Variants in NEK1 observed in about 807,000 individuals in gnomAD.
The protein encoded by NEK1 is NIMA related kinase 1, also known as serine/threonine-protein kinase Nek1.
A neutral mutation model predicts 182.1 loss-of-function variants in NEK1; 137 were observed. The observed-to-expected ratio is 0.75, with a 90% CI of 0.65 to 0.87. NEK1 has a LOEUF of 0.87. NEK1 is among the 40% of genes least tolerant of loss of function. The probability of loss-of-function intolerance (pLI) is 0.00; values close to 1 mark genes in which losing one functional copy is unlikely to be tolerated. For missense variants in NEK1, 1,391 were observed against 1,494.4 expected (o/e 0.93, Z 1.14); for synonymous variants, 513 against 492.2 (o/e 1.04, Z -0.56).
chr4:169,485,440 T>C (rs1748865536), intron 23 of NEK1, among the ~76,000 whole-genome samples: 1 of 152,212 alleles, frequency 6.6e-6, no homozygotes, highest in Non-Finnish European at 1.5e-5. Flanking sequence ...ATAAATATCA[T>C]GGTGTATTAT....
intron 18 of NEK1, among the ~76,000 whole-genome samples, chr4:169,550,401 T>C (rs749575015): frequency 3.9e-5 from 6 of 152,204 alleles, no homozygotes; most frequent in Non-Finnish European, 7.3e-5. Context: ...ATACACTTAA[T>C]AAAGTCAATA....
chr4:169,570,834 G>T (rs200942073), intron 12 of NEK1, among the ~76,000 whole-genome samples: 2 of 152,216 alleles, frequency 1.3e-5, no homozygotes, highest in Non-Finnish European at 2.9e-5. Context: ...TCTGTACTAA[G>T]AACAAATTCT....
At chr4:169,591,345 T>TC (rs772847265) in intron 5 of NEK1, among the ~76,000 whole-genome samples, 2 of 152,000 alleles carry the variant, frequency 1.3e-5, no homozygotes, top group Admixed American at 6.6e-5. Context: ...AGAGACAGTG[T>TC]CCCACTATGT....
intron 19 of NEK1, among the ~76,000 whole-genome samples, chr4:169,513,488 T>C (rs1754536116): frequency 6.6e-6 from 1 of 152,202 alleles, no homozygotes; most frequent in African/African-American, 2.4e-5. Context: ...GTTCTGGGAA[T>C]TTCCCATTCA....
At chr4:169,452,987 C>T (rs1348473504) in intron 27 of NEK1, among the ~76,000 whole-genome samples, 2 of 152,110 alleles carry the variant, frequency 1.3e-5, no homozygotes, top group Non-Finnish European at 2.9e-5. Flanking sequence ...AATCAATGTG[C>T]AAAAATCACA....
intron 23 of NEK1, among the ~76,000 whole-genome samples, chr4:169,490,292 A>G (rs746611520): frequency 4.6e-5 from 7 of 152,088 alleles, no homozygotes; most frequent in African/African-American, 4.8e-5. Context: ...GAGCCAATGC[A>G]CCCTGCTCAA....
At chr4:169,548,984 G>A (rs1300205314) in intron 18 of NEK1, among the ~76,000 whole-genome samples, 3 of 152,272 alleles carry the variant, frequency 2.0e-5, no homozygotes, top group African/African-American at 4.8e-5. Flanking sequence ...GAACAGTTAT[G>A]TCTCACTGGT....
At position 169,400,280 on chromosome 4, in the gene NEK1, C is replaced by G; in HGVS notation, c.3792G>C (p.Gln1264His). Reference sequence around the variant, plus strand: ...AATGAAGAATCTTGGCATAAAGATGCTGATGTTCATTTCCCAAAATATTTT... The same window carrying G: ...AATGAAGAATCTTGGCATAAAGATGGTGATGTTCATTTCCCAAAATATTTT... ...IVQNILGNEH[Q>H]HLYAKILHLV... Residue 1264 changes from glutamine to histidine, a missense_variant, in exon 35 of 36, where the codon CAG becomes CAC. This residue lies in a region of NEK1 where 1,216 missense variants were observed against 1,277.6 expected (regional missense o/e 0.95). Coordinates refer to ENST00000507142, the MANE Select transcript of NEK1 (RefSeq NM_001199397.3). 1.3e-6 allele frequency: 2 copies of G among 1,568,216 alleles called. No homozygotes were observed. The highest frequency in any genetic ancestry group is 1.7e-6 in the Non-Finnish European group (2 of 1,154,228).
chr4:169,525,118 ATTTTATTTTAT>A lies in NEK1; in HGVS notation c.1665+12680_1665+12690del, dbSNP rs753936509. ...TATTCTTTTCCATGTACCAAACATT[ATTTTATTTTAT>A]TTTTATTTTATTTTGTTGAGAAAGA... On this transcript the variant is annotated intron_variant, in intron 19 of 35. Transcript: ENST00000507142. 6.4e-4 allele frequency among the ~76,000 whole-genome samples: 97 copies of A among 152,100 alleles called. 1 individual carries two copies. The East Asian group carries it at 0.019, about 29-fold the overall frequency.
At chr4:169,461,920 T>C (rs1023629170) in intron 27 of NEK1, among the ~76,000 whole-genome samples, 3 of 152,098 alleles carry the variant, frequency 2.0e-5, no homozygotes, top group Non-Finnish European at 4.4e-5. Context: ...AAATAGTTGG[T>C]GACTGAATGA....
chr4:169,579,857 C>G lies in NEK1; in HGVS notation c.868+985G>C, dbSNP rs181713669. Among the ~76,000 whole-genome samples, 853 of 151,356 alleles carry G rather than the reference C, an allele frequency of 5.6e-3. 2 individuals are homozygous for G. The highest frequency in any genetic ancestry group is 7.6e-3 in the Non-Finnish European group (515 of 67,916). On this transcript the variant is annotated intron_variant, in intron 11 of 35. Transcript: ENST00000507142. Reference sequence around the variant, plus strand: ...GAACGCACTGTCATACCACTTCTAGCTAAATGGGCTCATTTTTATGATACA... The same window carrying G: ...GAACGCACTGTCATACCACTTCTAGGTAAATGGGCTCATTTTTATGATACA...
At chr4:169,597,476 T>C (rs940671148) in intron 5 of NEK1, among the ~76,000 whole-genome samples, 10 of 151,974 alleles carry the variant, frequency 6.6e-5, no homozygotes, top group Non-Finnish European at 1.3e-4. Flanking sequence ...ATAAAATAAA[T>C]TTTTAAAAAA....
intron 2 of NEK1, among the ~76,000 whole-genome samples, chr4:169,606,098 T>C (rs1372447567): frequency 6.6e-6 from 1 of 151,728 alleles, no homozygotes; most frequent in Non-Finnish European, 1.5e-5. Context: ...TCAGAAAATA[T>C]ATAATGTCAA....
chr4:169,575,482 T>C (rs1765542471), intron 12 of NEK1, among the ~76,000 whole-genome samples: 1 of 152,212 alleles, frequency 6.6e-6, no homozygotes. Context: ...CAGGAGTGTT[T>C]GGCCAGTGCC....
chr4:169,415,277 A>ATAGC (rs1220167383), intron 31 of NEK1, among the ~76,000 whole-genome samples: 3 of 152,360 alleles, frequency 2.0e-5, no homozygotes, highest in African/African-American at 7.2e-5. Flanking sequence ...AAGTCACTTT[A>ATAGC]TAGCTACCTT....
In NEK1 at chr4:169,424,654, A is replaced by T. The variant is rs1244928420; in HGVS notation, c.3121T>A (p.Phe1041Ile). Residue 1041 changes from phenylalanine to isoleucine, a missense_variant, in exon 31 of 36, where the codon TTT becomes ATT. This residue lies in a region of NEK1 where 1,216 missense variants were observed against 1,277.6 expected (regional missense o/e 0.95). Coordinates refer to ENST00000507142, the MANE Select transcript of NEK1 (RefSeq NM_001199397.3). ...QSVQCSPEES[F>I]AFRSHSHLPP... The stretch of plus-strand genomic sequence containing the variant: ...AAATGCGAGTGAGATCGAAATGCAA[A>T]GGATTCTTCTGGTGAACACTGAACT... The T allele has an allele frequency of 6.2e-7, 1 of 1,613,664 alleles. No homozygotes were observed. Among genetic ancestry groups the T allele is most frequent in the East Asian group, 2.2e-5 (1 of 44,878 alleles).
intron 26 of NEK1, among the ~76,000 whole-genome samples, chr4:169,469,478 G>C (rs1252516002): frequency 2.0e-5 from 3 of 152,198 alleles, no homozygotes; most frequent in Non-Finnish European, 2.9e-5. Context: ...ACTGTGGTCT[G>C]AGAGACCGTT....
chr4:169,398,320 G>T lies in NEK1; in HGVS notation c.3847+1905C>A, dbSNP rs7687276. Among the ~76,000 whole-genome samples the T allele has an allele frequency of 2.0e-5, 3 of 150,738 alleles. No individual in the cohort carries two copies. In the East Asian group the frequency reaches 5.8e-4, roughly 29 times the overall value. On this transcript the variant is annotated intron_variant, in intron 35 of 35. Coordinates refer to ENST00000507142, the MANE Select transcript of NEK1 (RefSeq NM_001199397.3). The stretch of plus-strand genomic sequence containing the variant: ...CTTGAGTTTTTTTTTTTTTACTGGG[G>T]TTTATAGACCCTTGGATTCTCATGC...
intron 26 of NEK1, among the ~76,000 whole-genome samples, chr4:169,465,424 C>T (rs910246395): frequency 6.6e-6 from 1 of 151,914 alleles, no homozygotes; most frequent in African/African-American, 2.4e-5. Flanking sequence ...TCTAGGGAGG[C>T]CAAAGTGGCT....
Sources: gnomAD v4.1 joint callset for allele counts (sites outside exome capture counted in the v4.1 genomes callset) on GRCh38, gnomAD v4.1.1 for gene constraint, gnomAD v4.1.1 regional missense constraint, MANE v1.5 for transcripts, NCBI Gene and HGNC (gene_info 2026-07-23, HGNC 2026-07-21) for gene names.